VRK2: variants seen among roughly 807,000 people sequenced by gnomAD.
VRK2 encodes the protein VRK serine/threonine kinase 2, also known as serine/threonine-protein kinase VRK2.
VRK2 carries 60 observed loss-of-function variants against 57.6 expected under a neutral mutation model. The ratio of observed to expected loss-of-function variants is 1.04; its 90% CI spans 0.85 to 1.29. The LOEUF (loss-of-function observed/expected upper bound fraction) is 1.29. Among genes scored for constraint, VRK2 ranks in the 50% most tolerant of loss-of-function variants. VRK2 has a pLI of 0.00. For missense variants in VRK2, 705 were observed against 588.1 expected (o/e 1.20, Z -2.06); for synonymous variants, 231 against 199.2 (o/e 1.16, Z -1.35).
At chr2:58,098,931 G>A (rs1303851043) in intron 7 of VRK2, among the ~76,000 whole-genome samples, 4 of 152,012 alleles carry the variant, frequency 2.6e-5, no homozygotes, top group Non-Finnish European at 5.9e-5. Context: ...TAGGTAGGTA[G>A]ATATTATCCT....
intron 2 of VRK2, among the ~76,000 whole-genome samples, chr2:58,056,654 T>C (rs569551515): frequency 3.4e-4 from 52 of 152,158 alleles, no homozygotes; most frequent in Non-Finnish European, 6.6e-4. Context: ...CATCACGTGT[T>C]TGAGGAACTA....
At chr2:57,931,386 T>G (rs1275977889) in intron 1 of VRK2, among the ~76,000 whole-genome samples, 1 of 152,180 alleles carries the variant, frequency 6.6e-6, no homozygotes, top group African/African-American at 2.4e-5. Context: ...GTTGAGCCCC[T>G]TTTAATACAC....
intron 1 of VRK2, among the ~76,000 whole-genome samples, chr2:57,908,167 G>T (rs568358133): frequency 4.6e-5 from 7 of 152,332 alleles, no homozygotes; most frequent in African/African-American, 1.7e-4. Context: ...AGAACTTAGA[G>T]GAGCAGAGCA....
intron 1 of VRK2, among the ~76,000 whole-genome samples, chr2:57,962,600 G>A (rs546305491): frequency 6.6e-6 from 1 of 152,124 alleles, no homozygotes; most frequent in South Asian, 2.1e-4. Flanking sequence ...AGGCCCCTGT[G>A]TCTCTTGTTT....
intron 2 of VRK2, among the ~76,000 whole-genome samples, chr2:58,060,004 G>A (rs551963997): frequency 2.0e-5 from 3 of 151,708 alleles, no homozygotes; most frequent in Non-Finnish European, 4.4e-5. Flanking sequence ...ATGTATTACA[G>A]TTCTATCTTA....
upstream of VRK2, chr2:58,046,440 G>A (rs1376238984): frequency 3.1e-6 from 3 of 965,964 alleles, no homozygotes; most frequent in Admixed American, 6.2e-5. Context: ...GTAAGGACTA[G>A]CCATTTGGAA....
chr2:57,916,865 T>C (rs928562739), intron 1 of VRK2, among the ~76,000 whole-genome samples: 2 of 152,204 alleles, frequency 1.3e-5, no homozygotes, highest in African/African-American at 2.4e-5. Flanking sequence ...TCTTCTACCT[T>C]CTGTTTTCTC....
intron 7 of VRK2, among the ~76,000 whole-genome samples, chr2:58,106,578 A>G (rs184633402): frequency 5.9e-5 from 9 of 152,178 alleles, no homozygotes; most frequent in African/African-American, 1.9e-4. Flanking sequence ...TGGTTATCCA[A>G]TATAATGACT....
chr2:58,053,133 G>A (rs1297697301), intron 2 of VRK2, among the ~76,000 whole-genome samples: 4 of 152,140 alleles, frequency 2.6e-5, no homozygotes, highest in African/African-American at 9.7e-5. Flanking sequence ...CATAATTATA[G>A]ATGTCACTCT....
At chr2:58,009,025 A>G (rs1353704408) in intron 1 of VRK2, among the ~76,000 whole-genome samples, 1 of 152,076 alleles carries the variant, frequency 6.6e-6, no homozygotes, top group Non-Finnish European at 1.5e-5. Context: ...CCCTTTAATA[A>G]GGGCAACTAA....
At chr2:58,061,366 G>GT (rs1677312915) in intron 2 of VRK2, among the ~76,000 whole-genome samples, 1 of 151,858 alleles carries the variant, frequency 6.6e-6, no homozygotes, top group Non-Finnish European at 1.5e-5. Context: ...ACCACAACCA[G>GT]TAAGTAACTG....
At chr2:58,013,678 T>C (rs1673481684) in intron 1 of VRK2, among the ~76,000 whole-genome samples, 1 of 150,932 alleles carries the variant, frequency 6.6e-6, no homozygotes, top group African/African-American at 2.4e-5. Context: ...GAGACCACGG[T>C]GAAACCCCGT....
intron 2 of VRK2, among the ~76,000 whole-genome samples, chr2:58,076,920 C>T (rs1670198085): frequency 1.3e-5 from 2 of 151,800 alleles, no homozygotes; most frequent in South Asian, 4.1e-4. Context: ...ACTCGACTGC[C>T]CTAAATGGTG....
chr2:57,979,138 G>C (rs946121389), intron 1 of VRK2, among the ~76,000 whole-genome samples: 8 of 151,098 alleles, frequency 5.3e-5, no homozygotes, highest in Admixed American at 3.3e-4. Flanking sequence ...GTGTGCATGT[G>C]TTTTTGCAGT....
chr2:57,982,254 C>T (rs1344463497), intron 1 of VRK2, among the ~76,000 whole-genome samples: 5 of 152,238 alleles, frequency 3.3e-5, no homozygotes, highest in Non-Finnish European at 5.9e-5. Context: ...GCACCTGCTG[C>T]ACTGGAGGGG....
intron 2 of VRK2, among the ~76,000 whole-genome samples, chr2:58,050,885 C>T (rs1223768710): frequency 6.6e-6 from 1 of 151,878 alleles, no homozygotes; most frequent in Non-Finnish European, 1.5e-5. Flanking sequence ...CGCTCTGTCA[C>T]CCAGGCTGGA....
chr2:58,127,013 G>A (rs1350678540), intron 8 of VRK2, among the ~76,000 whole-genome samples: 2 of 152,122 alleles, frequency 1.3e-5, no homozygotes, highest in East Asian at 1.9e-4. Context: ...CTTCAGACCT[G>A]TGCATTGAGT....
At chr2:57,933,573 G>A (rs1670810117) in intron 1 of VRK2, among the ~76,000 whole-genome samples, 1 of 151,518 alleles carries the variant, frequency 6.6e-6, no homozygotes, top group Non-Finnish European at 1.5e-5. Context: ...CTCCCAAAGT[G>A]CTGGGATTAC....
intron 7 of VRK2, among the ~76,000 whole-genome samples, chr2:58,110,390 T>C (rs1308621501): frequency 6.6e-6 from 1 of 152,154 alleles, no homozygotes. Flanking sequence ...ATAAATCAAA[T>C]GCATATTTAC....
Sources: gnomAD v4.1 joint callset for allele counts (sites outside exome capture counted in the v4.1 genomes callset) on GRCh38, gnomAD v4.1.1 for gene constraint, MANE v1.5 for transcripts, NCBI Gene and HGNC (gene_info 2026-07-23, HGNC 2026-07-21) for gene names.